Variants in RIMS3 observed in about 807,000 individuals in gnomAD.
RIMS3 encodes regulating synaptic membrane exocytosis protein 3.
In RIMS3, 15 loss-of-function variants were observed where a neutral mutation model predicts 29.2. The ratio of observed to expected loss-of-function variants is 0.51; its 90% CI spans 0.34 to 0.79. The LOEUF (loss-of-function observed/expected upper bound fraction) is 0.79. RIMS3 is among the 30% of genes least tolerant of loss of function. The probability of loss-of-function intolerance (pLI) is 0.01; values close to 1 mark genes in which losing one functional copy is unlikely to be tolerated. For missense variants in RIMS3, 342 were observed against 421.4 expected (o/e 0.81, Z 1.65); for synonymous variants, 161 against 170.1 (o/e 0.95, Z 0.41).
At chr1:40,638,432 C>G (rs137929289) in intron 3 of RIMS3, among the ~76,000 whole-genome samples, 1 of 151,852 alleles carries the variant, frequency 6.6e-6, no homozygotes, top group East Asian at 1.9e-4. Flanking sequence ...TTTATATAAT[C>G]TCTCTCTCAG....
intron 2 of RIMS3, among the ~76,000 whole-genome samples, chr1:40,645,582 C>G (rs1646589811): frequency 6.6e-6 from 1 of 152,128 alleles, no homozygotes; most frequent in Admixed American, 6.5e-5. Flanking sequence ...ATGAGAAAAG[C>G]CCCTCTGGCC....
upstream of RIMS3, among the ~76,000 whole-genome samples, chr1:40,668,746 C>CT (rs1174672100): frequency 3.3e-5 from 5 of 152,268 alleles, no homozygotes; most frequent in East Asian, 9.6e-4. Context: ...TACAAGGCTT[C>CT]TATACAGAAG....
At position 40,627,430 on chromosome 1, in the gene RIMS3, A is replaced by G. The variant is rs559310800; in HGVS notation, c.715-701T>C. Among the ~76,000 whole-genome samples the G allele has an allele frequency of 7.2e-5, 11 of 152,076 alleles. No homozygotes were observed. In the South Asian group the frequency reaches 1.2e-3, roughly 17 times the overall value. On this transcript the variant is annotated intron_variant, in intron 7 of 7. Coordinates refer to ENST00000372684, the MANE Select transcript of RIMS3 (RefSeq NM_014747.3). ...TTTTTAGTAGAGACGGGGTTTCACC[A>G]TGTTAGCCAGGATGGTCTTGATCTC...
chr1:40,672,221 C>T, the RIMS3 span, among the ~76,000 whole-genome samples: 40 of 108,700 alleles, frequency 3.7e-4, 1 homozygote, highest in African/African-American at 1.3e-3. Flanking sequence ...TTTTTTGAGA[C>T]GGAGTCTCGC....
chr1:40,625,963 T>C lies in RIMS3; in HGVS notation c.*554A>G. 1 of 165,280 alleles carries C rather than the reference T, an allele frequency of 6.1e-6. No homozygotes were observed. Among genetic ancestry groups the C allele is most frequent in the Non-Finnish European group, 1.3e-5 (1 of 75,158 alleles). 10.2% of individuals were successfully genotyped at this position (165,280 alleles called of 1,614,324 possible). A position where few individuals can be genotyped will look rare whatever the true frequency, so the allele number is the denominator to read the frequency against. On this transcript the variant is annotated 3_prime_UTR_variant, in exon 8 of 8. Coordinates refer to ENST00000372684, the MANE Select transcript of RIMS3 (RefSeq NM_014747.3). ...CCGGAGCGGCTCCAGTGGGGTGGGGTTCCCAGAGGGCCCTCAGTGTGGCCA... is the reference window on the plus strand; with the variant it reads ...CCGGAGCGGCTCCAGTGGGGTGGGGCTCCCAGAGGGCCCTCAGTGTGGCCA...
chr1:40,628,727 A>G, intron 7 of RIMS3, 83 bp downstream of exon 7: 6 of 1,575,722 alleles, frequency 3.8e-6, no homozygotes, highest in Non-Finnish European at 5.2e-6. Flanking sequence ...CACCTGGCAC[A>G]GGATGAATCA....
In RIMS3 at chr1:40,628,943, T is replaced by C. The variant is rs147485525; in HGVS notation, c.581A>G (p.Tyr194Cys). Residue 194 changes from tyrosine to cysteine, a missense_variant, in exon 7 of 8, where the codon TAT (tyrosine) becomes TGT (cysteine). Physicochemically the swap from Tyr to Cys is radical, Grantham distance 194. Transcript: ENST00000372684. The part of the protein sequence containing the change: ...KPGSKSLPAT[Y>C]IKVYLLENGA... ...ATTCTCCAGCAGGTAAACCTTGATA[T>C]AGGTGGCTAAGGGAGGAGAGAATGT... 5 of 1,613,024 alleles carry C rather than the reference T, an allele frequency of 3.1e-6. No individual in the cohort carries two copies. In the African/African-American group the frequency reaches 6.7e-5, roughly 22 times the overall value.
the RIMS3 span, chr1:40,681,669 G>A: frequency 6.6e-6 from 1 of 152,012 alleles, no homozygotes; most frequent in African/African-American, 2.4e-5. Flanking sequence ...GCCTTCCCCA[G>A]GCCATATACA....
At chr1:40,648,476 G>T (rs1326358172) in intron 1 of RIMS3, among the ~76,000 whole-genome samples, 1 of 152,212 alleles carries the variant, frequency 6.6e-6, no homozygotes, top group African/African-American at 2.4e-5. Context: ...ATGATACAGG[G>T]CTTCCTTAAC....
chr1:40,638,925 T>G (rs951601745), intron 3 of RIMS3, among the ~76,000 whole-genome samples: 1 of 151,676 alleles, frequency 6.6e-6, no homozygotes, highest in African/African-American at 2.4e-5. Flanking sequence ...CTAAAGTGAG[T>G]TTTTGTAAGT....
chr1:40,670,574 T>TTATATA (rs553412097), upstream of RIMS3, among the ~76,000 whole-genome samples: 2,703 of 71,088 alleles, frequency 0.038, 146 homozygotes, highest in South Asian at 0.051. Flanking sequence ...AGTTATAATT[T>TTATATA]TATATATATA....
chr1:40,668,186 G>A (rs1642447571), upstream of RIMS3, among the ~76,000 whole-genome samples: 1 of 151,304 alleles, frequency 6.6e-6, no homozygotes, highest in Non-Finnish European at 1.5e-5. Context: ...AGGAGGCGGA[G>A]GTTGCAGTGA....
At chr1:40,645,140 G>A (rs1646586215) in intron 2 of RIMS3, among the ~76,000 whole-genome samples, 1 of 152,138 alleles carries the variant, frequency 6.6e-6, no homozygotes, top group Non-Finnish European at 1.5e-5. Context: ...CATCAACCCT[G>A]CAGCTAATGG....
the RIMS3 span, among the ~76,000 whole-genome samples, chr1:40,673,806 AG>A: frequency 8.3e-5 from 11 of 132,432 alleles, no homozygotes. Flanking sequence ...AACAGGCTTT[AG>A]CATCAGAGCC....
Position 40,654,666 on chromosome 1 carries a change from CAA to C in RIMS3, c.-206-6826_-206-6825del, listed in dbSNP as rs1168420145. 6.6e-6 allele frequency among the ~76,000 whole-genome samples: 1 copy of C among 152,052 alleles called. No homozygotes were observed. Among genetic ancestry groups the C allele is most frequent in the Non-Finnish European group, 1.5e-5 (1 of 68,014 alleles). ...CACAACACACCCTGCCACACACACACAAACTCGCACGCTGCAGAAAAACTCCC... is the reference window on the plus strand; with the variant it reads ...CACAACACACCCTGCCACACACACACACTCGCACGCTGCAGAAAAACTCCC... On this transcript the variant is annotated intron_variant, in intron 1 of 7. Coordinates refer to ENST00000372684, the MANE Select transcript of RIMS3 (RefSeq NM_014747.3). This position sits in a 1 kb window ranked among gnomAD's most constrained non-coding sequence, Gnocchi z 5.3.
the RIMS3 span, among the ~76,000 whole-genome samples, chr1:40,687,791 T>C: frequency 6.6e-6 from 1 of 152,144 alleles, no homozygotes. Flanking sequence ...TCGCTTCTTC[T>C]ATTTGCTTTA....
intron 1 of RIMS3, among the ~76,000 whole-genome samples, 179 bp downstream of exon 1, chr1:40,665,215 C>G (rs567322138): frequency 3.2e-4 from 48 of 152,110 alleles, no homozygotes; most frequent in African/African-American, 1.1e-3. Context: ...TCTCTCATCC[C>G]TTAGTCCCCT....
intron 3 of RIMS3, among the ~76,000 whole-genome samples, chr1:40,637,514 T>G (rs972084371): frequency 5.5e-5 from 3 of 54,490 alleles, no homozygotes; most frequent in Admixed American, 1.5e-4. Context: ...ACACACAGAG[T>G]CACATTAGCT....
chr1:40,672,449 C>T, the RIMS3 span, among the ~76,000 whole-genome samples: 2 of 152,020 alleles, frequency 1.3e-5, no homozygotes, highest in Non-Finnish European at 2.9e-5. Flanking sequence ...CCACCTGCCT[C>T]GGCCTCCTAA....
Sources: gnomAD v4.1 joint callset for allele counts (sites outside exome capture counted in the v4.1 genomes callset) on GRCh38, gnomAD v4.1.1 for gene constraint, Gnocchi (gnomAD v3.1) non-coding constraint, MANE v1.5 for transcripts, NCBI Gene and HGNC (gene_info 2026-07-23, HGNC 2026-07-21) for gene names.